The following MAGI2 variants were observed in gnomAD, a reference collection of about 807,000 sequenced individuals.
MAGI2 encodes membrane-associated guanylate kinase, WW and PDZ domain-containing protein 2.
In MAGI2, 35 loss-of-function variants were observed where a neutral mutation model predicts 133.3. The ratio of observed to expected loss-of-function variants is 0.26; its 90% CI spans 0.20 to 0.35. MAGI2 has a LOEUF of 0.35. MAGI2 is among the 10% of genes least tolerant of loss of function. The pLI is 1.00. For missense variants in MAGI2, 1,636 were observed against 1,863.4 expected, an observed-to-expected ratio of 0.88 and a Z score of 2.25; for synonymous variants, 729 against 710.6, an observed-to-expected ratio of 1.03 and a Z score of -0.41.
chr7:78,506,636 C>T (rs767579486), intron 4 of MAGI2, among the ~76,000 whole-genome samples: 14 of 152,190 alleles, frequency 9.2e-5, no homozygotes, highest in African/African-American at 1.2e-4. Flanking sequence ...GAAGACAAGA[C>T]ACTTAACTGT....
chr7:78,942,227 A>G (rs1448163948), intron 2 of MAGI2, among the ~76,000 whole-genome samples: 2 of 152,014 alleles, frequency 1.3e-5, no homozygotes, highest in Non-Finnish European at 2.9e-5. Context: ...CTCATATTTG[A>G]TATTATTCTT....
intron 3 of MAGI2, among the ~76,000 whole-genome samples, chr7:78,598,642 C>T (rs1436010253): frequency 6.6e-6 from 1 of 152,084 alleles, no homozygotes; most frequent in Non-Finnish European, 1.5e-5. Flanking sequence ...GAGAATGAAT[C>T]AAGGAAACCC....
At chr7:78,393,184 C>A (rs191227129) in intron 6 of MAGI2, among the ~76,000 whole-genome samples, 2 of 152,236 alleles carry the variant, frequency 1.3e-5, no homozygotes, top group East Asian at 3.9e-4. Context: ...GTGGGTGTTG[C>A]TTCTCACCTA....
At chr7:78,953,897 G>C (rs537794898) in intron 2 of MAGI2, among the ~76,000 whole-genome samples, 1 of 152,206 alleles carries the variant, frequency 6.6e-6, no homozygotes, top group East Asian at 1.9e-4. Flanking sequence ...AAGTATTTAA[G>C]TGAAAAAGAG....
chr7:79,452,008 T>C (rs564893076), intron 1 of MAGI2, among the ~76,000 whole-genome samples: 21 of 152,314 alleles, frequency 1.4e-4, no homozygotes, highest in African/African-American at 4.3e-4. Context: ...TTCTGGATGA[T>C]TCCAATCTCC....
intron 1 of MAGI2, among the ~76,000 whole-genome samples, chr7:79,231,704 G>GGGGT: frequency 7.4e-6 from 1 of 134,774 alleles, no homozygotes. Context: ...CTGAGACAGT[G>GGGGT]GGGTTTTCTA....
intron 2 of MAGI2, among the ~76,000 whole-genome samples, chr7:79,001,233 A>G (rs910031286): frequency 2.0e-5 from 3 of 152,168 alleles, no homozygotes; most frequent in Admixed American, 2.0e-4. Flanking sequence ...CACTTTTTAT[A>G]AAACAGAATT....
chr7:78,881,581 A>T (rs909867976), intron 2 of MAGI2, among the ~76,000 whole-genome samples: 1 of 152,154 alleles, frequency 6.6e-6, no homozygotes, highest in Non-Finnish European at 1.5e-5. Flanking sequence ...GTATAATTTT[A>T]AAAAATCAAA....
At chr7:79,127,493 T>A (rs547482535) in intron 1 of MAGI2, among the ~76,000 whole-genome samples, 1 of 152,296 alleles carries the variant, frequency 6.6e-6, no homozygotes, top group South Asian at 2.1e-4. Flanking sequence ...ATTGCCATTC[T>A]AATTGGTGTG....
chr7:78,222,090 G>A (rs962405871), intron 10 of MAGI2, among the ~76,000 whole-genome samples: 6 of 151,864 alleles, frequency 4.0e-5, no homozygotes, highest in Admixed American at 6.6e-5. Context: ...TTTGAAAAGC[G>A]CTGGACATTC....
At chr7:79,309,868 C>T (rs1443794149) in intron 1 of MAGI2, among the ~76,000 whole-genome samples, 1 of 150,390 alleles carries the variant, frequency 6.6e-6, no homozygotes, top group Non-Finnish European at 1.5e-5. Context: ...CAGTGGCTCA[C>T]ACCTGTAATC....
intron 6 of MAGI2, among the ~76,000 whole-genome samples, chr7:78,416,233 A>ACAATGG (rs1798289279): frequency 1.3e-5 from 2 of 152,266 alleles, no homozygotes; most frequent in South Asian, 4.1e-4. Flanking sequence ...ATTCCTACAG[A>ACAATGG]CAATGGTATG....
chr7:78,411,045 A>C (rs1286500522), intron 6 of MAGI2, among the ~76,000 whole-genome samples: 2 of 152,062 alleles, frequency 1.3e-5, no homozygotes, highest in Non-Finnish European at 2.9e-5. Context: ...GCCTCAGAGA[A>C]CTATACATTA....
intron 2 of MAGI2, among the ~76,000 whole-genome samples, chr7:78,828,044 C>T (rs1055255557): frequency 1.3e-5 from 2 of 152,076 alleles, no homozygotes; most frequent in Non-Finnish European, 2.9e-5. Flanking sequence ...GCCACCATGC[C>T]CGGCTAATTT....
At chr7:79,327,395 C>T (rs1047829769) in intron 1 of MAGI2, among the ~76,000 whole-genome samples, 4 of 152,036 alleles carry the variant, frequency 2.6e-5, no homozygotes, top group South Asian at 2.1e-4. Flanking sequence ...GCCCCTGAGA[C>T]GAGATAGCGA....
At chr7:79,214,360 C>CGT (rs1829774767) in intron 1 of MAGI2, among the ~76,000 whole-genome samples, 1 of 27,560 alleles carries the variant, frequency 3.6e-5, no homozygotes, top group Non-Finnish European at 6.3e-5. Context: ...GCATTACGCA[C>CGT]CTCTCTCTCT....
intron 1 of MAGI2, among the ~76,000 whole-genome samples, chr7:79,140,518 G>A (rs1822023132): frequency 6.6e-6 from 1 of 151,852 alleles, no homozygotes; most frequent in Admixed American, 6.6e-5. Flanking sequence ...ATAATAACTA[G>A]ATACAAGAAG....
At chr7:78,421,807 A>G (rs1223526843) in intron 6 of MAGI2, among the ~76,000 whole-genome samples, 2 of 152,182 alleles carry the variant, frequency 1.3e-5, no homozygotes, top group Non-Finnish European at 2.9e-5. Context: ...CTGGTCTCAA[A>G]ACAACAAAAA....
At chr7:79,336,473 T>C (rs1189174473) in intron 1 of MAGI2, among the ~76,000 whole-genome samples, 1 of 152,094 alleles carries the variant, frequency 6.6e-6, no homozygotes, top group Non-Finnish European at 1.5e-5. Flanking sequence ...ATGACCAATA[T>C]GAAAATAAAA....
Sources: gnomAD v4.1 joint callset for allele counts (sites outside exome capture counted in the v4.1 genomes callset) on GRCh38, gnomAD v4.1.1 for gene constraint, MANE v1.5 for transcripts, NCBI Gene and HGNC (gene_info 2026-07-23, HGNC 2026-07-21) for gene names.